Variants in SAMD7 observed in about 807,000 individuals in gnomAD.
SAMD7 encodes sterile alpha motif domain containing 7.
In SAMD7, 34 loss-of-function variants were observed where a neutral mutation model predicts 36.7. That is an observed-to-expected ratio of 0.93 (90% CI 0.71 to 1.23). SAMD7 has a LOEUF of 1.23. Ranked by LOEUF, SAMD7 falls within the 50% of genes most tolerant of loss-of-function variation. The pLI, the probability that SAMD7 is intolerant of heterozygous loss-of-function variation, is 0.00. For missense variants in SAMD7, 570 were observed against 546.6 expected, an observed-to-expected ratio of 1.04 and a Z score of -0.43; for synonymous variants, 188 against 189.7, an observed-to-expected ratio of 0.99 and a Z score of 0.07.
At chr3:169,912,364 T>C (rs1476839410) in intron 1 of SAMD7, among the ~76,000 whole-genome samples, 2 of 152,206 alleles carry the variant, frequency 1.3e-5, no homozygotes. Flanking sequence ...ATTCCTTAAT[T>C]CATTCTTTAA....
chr3:169,920,107 GA>G (rs943209034), intron 3 of SAMD7, among the ~76,000 whole-genome samples: 5 of 152,238 alleles, frequency 3.3e-5, no homozygotes, highest in African/African-American at 1.2e-4. Context: ...CCAGGAGGTG[GA>G]GGTTGTGGTG....
At chr3:169,935,793 G>A (rs1466487341) in intron 7 of SAMD7, among the ~76,000 whole-genome samples, 2 of 152,134 alleles carry the variant, frequency 1.3e-5, no homozygotes, top group Admixed American at 6.5e-5. Flanking sequence ...GGCACGCCAC[G>A]TCCACTACAG....
rs780343856 is a variant in SAMD7 at position 169,921,247 on chromosome 3, C to T, written c.120C>T (p.Asp40=). 4 of 1,613,916 alleles carry T rather than the reference C, an allele frequency of 2.5e-6. No homozygotes were observed. Among genetic ancestry groups the T allele is most frequent in the Non-Finnish European group, 3.4e-6 (4 of 1,179,806 alleles). Residue 40 remains aspartate (D), a synonymous_variant, in exon 4 of 9, where the codon GAC becomes GAT. Transcript: ENST00000335556. ...TGCCTTCCACCGTAGCTCCAACTGA[C>T]CCAAGACAGTTTTGCGTTCCTTCCC... is the stretch of plus-strand genomic sequence containing the variant. ...DVLPSTVAPT[D]PRQFCVPSQF...
chr3:169,931,322 A>G (rs1455252940), intron 7 of SAMD7, among the ~76,000 whole-genome samples: 1 of 152,230 alleles, frequency 6.6e-6, no homozygotes, highest in Non-Finnish European at 1.5e-5. Flanking sequence ...CGACAGGGAC[A>G]TGTATGTGTC....
At chr3:169,913,199 A>C (rs1712672648) in intron 1 of SAMD7, among the ~76,000 whole-genome samples, 1 of 152,244 alleles carries the variant, frequency 6.6e-6, no homozygotes, top group Non-Finnish European at 1.5e-5. Flanking sequence ...AGTTACTTAA[A>C]AATTAATTCA....
At chr3:169,923,899 AT>A (rs1173530260) in intron 4 of SAMD7, among the ~76,000 whole-genome samples, 8 of 152,378 alleles carry the variant, frequency 5.3e-5, no homozygotes, top group African/African-American at 1.9e-4. Flanking sequence ...CTGAACTAAC[AT>A]TAAGTTTGAT....
chr3:169,935,733 G>A (rs1230967592), intron 7 of SAMD7, among the ~76,000 whole-genome samples: 1 of 152,130 alleles, frequency 6.6e-6, no homozygotes, highest in South Asian at 2.1e-4. Context: ...CCCTCTATCT[G>A]CCTGGAATCT....
chr3:169,937,309 G>C (rs562778832), intron 8 of SAMD7, among the ~76,000 whole-genome samples: 2 of 152,032 alleles, frequency 1.3e-5, no homozygotes, highest in East Asian at 3.9e-4. Context: ...TTGTTGCACA[G>C]GTAAACATGT....
chr3:169,927,882 A>G (rs1012153304), intron 6 of SAMD7, among the ~76,000 whole-genome samples: 3 of 152,232 alleles, frequency 2.0e-5, no homozygotes, highest in Non-Finnish European at 4.4e-5. Flanking sequence ...AAAACAGGCA[A>G]TTAAGCAGAA....
Position 169,938,646 on chromosome 3 carries a change from C to G in SAMD7, c.*140C>G, listed in dbSNP as rs191452075. 11 of 602,416 alleles carry G rather than the reference C, an allele frequency of 1.8e-5. No individual in the cohort carries two copies. Among genetic ancestry groups the G allele is most frequent in the Admixed American group, 1.6e-4 (5 of 30,402 alleles). The allele number at this position is 602,416 out of a possible 1,614,324, so 37.3% of individuals were successfully genotyped here. A position where few individuals can be genotyped will look rare whatever the true frequency, so the allele number is the denominator to read the frequency against. ...CTTTCTGGGGCTTTCATGGAGGAGA[C>G]TTGCCCAAGGGGCTTCCCTGCCAGG... On this transcript the variant is annotated 3_prime_UTR_variant, in exon 9 of 9. Transcript: ENST00000335556.
chr3:169,928,970 A>G (rs1359955321), intron 7 of SAMD7, among the ~76,000 whole-genome samples: 3 of 152,248 alleles, frequency 2.0e-5, no homozygotes, highest in Admixed American at 1.3e-4. Context: ...GTTTTAGGTT[A>G]CTCACTGTAA....
intron 3 of SAMD7, among the ~76,000 whole-genome samples, chr3:169,919,866 G>T (rs1295461828): frequency 6.6e-6 from 1 of 152,090 alleles, no homozygotes. Flanking sequence ...TAGTCTTCTA[G>T]GGCTGCCATA....
chr3:169,932,887 G>A, intron 7 of SAMD7: 1 of 629,260 alleles, frequency 1.6e-6, no homozygotes, highest in Non-Finnish European at 3.0e-6. Flanking sequence ...ATTACTATAA[G>A]AACTTTCAAG....
At chr3:169,925,584 A>T (rs2108260924) in intron 5 of SAMD7, among the ~76,000 whole-genome samples, 1 of 152,174 alleles carries the variant, frequency 6.6e-6, no homozygotes, top group Non-Finnish European at 1.5e-5. Flanking sequence ...AAAACCAGCC[A>T]GGGGTGGTGG....
At chr3:169,924,582 G>C (rs1333102433) in intron 4 of SAMD7, among the ~76,000 whole-genome samples, 1 of 151,778 alleles carries the variant, frequency 6.6e-6, no homozygotes, top group Non-Finnish European at 1.5e-5. Context: ...GCGAGACTCT[G>C]TCTCAAAAAA....
chr3:169,928,376 G>C (rs1315574290), intron 6 of SAMD7, 81 bp from the exon 7 acceptor site: 35 of 1,257,460 alleles, frequency 2.8e-5, no homozygotes, highest in Non-Finnish European at 3.8e-5. Context: ...ACCACTCTGG[G>C]GTGATAGAAT....
Position 169,924,985 on chromosome 3 carries a change from A to T in SAMD7, c.212-73A>T, listed in dbSNP as rs185882576. ...TTCAGATACTGTTTTACATTGTTAT[A>T]GTTTATTTTATTATTTTCAAATGCA... is the stretch of plus-strand genomic sequence containing the variant. On this transcript the variant is annotated intron_variant, in intron 4 of 8. Coordinates refer to ENST00000335556, the MANE Select transcript of SAMD7 (RefSeq NM_001304366.2). 24 of 912,522 alleles carry T rather than the reference A, an allele frequency of 2.6e-5. No individual in the cohort carries two copies. The Admixed American group carries it at 5.3e-4, about 20-fold the overall frequency. The allele number at this position is 912,522 out of a possible 1,614,324, so 56.5% of individuals were successfully genotyped here.
intron 8 of SAMD7, 116 bp from the exon 9 acceptor site, chr3:169,938,202 T>C (rs1713790837): frequency 1.5e-6 from 1 of 667,540 alleles, no homozygotes; most frequent in Non-Finnish European, 2.6e-6. Flanking sequence ...CACAACTATA[T>C]GTTAATAGAT....
At chr3:169,927,494 A>C (rs957140821) in intron 6 of SAMD7, among the ~76,000 whole-genome samples, 1 of 151,338 alleles carries the variant, frequency 6.6e-6, no homozygotes, top group African/African-American at 2.4e-5. Context: ...CCGGGGTTTC[A>C]CCATGTTGGC....
Sources: gnomAD v4.1 joint callset for allele counts (sites outside exome capture counted in the v4.1 genomes callset) on GRCh38, gnomAD v4.1.1 for gene constraint, MANE v1.5 for transcripts, NCBI Gene and HGNC (gene_info 2026-07-23, HGNC 2026-07-21) for gene names.